Variants in AOAH observed in about 807,000 individuals in gnomAD.
AOAH encodes the protein acyloxyacyl hydrolase (neutrophil).
Under a neutral mutation model 92.2 loss-of-function variants are expected in AOAH, and 64 were observed. The ratio of observed to expected loss-of-function variants is 0.69; its 90% confidence interval spans 0.57 to 0.86. The LOEUF (loss-of-function observed/expected upper bound fraction) is 0.86, where lower values mean the gene tolerates loss of function less well. Ranked by LOEUF, AOAH falls within the 40% of genes least tolerant of loss-of-function variation. The pLI, the probability that AOAH is intolerant of heterozygous loss-of-function variation, is 0.00. For missense variants in AOAH, 656 were observed against 694.6 expected, an observed-to-expected ratio of 0.94 and a Z score of 0.62; for synonymous variants, 263 against 254.5, an observed-to-expected ratio of 1.03 and a Z score of -0.32.
chr7:36,723,974 CCCA>C, intron 1 of AOAH, 45 bp downstream of exon 1: 1 of 1,583,448 alleles, frequency 6.3e-7, no homozygotes, highest in East Asian at 2.3e-5. Context: ...AGTACTGGAT[CCCA>C]TTGTTATGTC....
At chr7:36,714,817 G>T (rs1799019126) in intron 1 of AOAH, among the ~76,000 whole-genome samples, 2 of 152,156 alleles carry the variant, frequency 1.3e-5, no homozygotes, top group Admixed American at 1.3e-4. Flanking sequence ...AGGTATTGAT[G>T]GGACGTATCT....
chr7:36,642,341 A>T (rs1793970101), intron 4 of AOAH, among the ~76,000 whole-genome samples: 2 of 152,154 alleles, frequency 1.3e-5, no homozygotes, highest in South Asian at 4.1e-4. Context: ...CATAGAGGGA[A>T]GATGATGTGA....
chr7:36,681,831 C>A (rs1204828399), intron 2 of AOAH, among the ~76,000 whole-genome samples: 3 of 151,982 alleles, frequency 2.0e-5, no homozygotes, highest in Non-Finnish European at 4.4e-5. Context: ...AATAAGAGTA[C>A]CTGAATAGCA....
intron 6 of AOAH, among the ~76,000 whole-genome samples, chr7:36,626,251 A>G (rs2116150789): frequency 6.6e-6 from 1 of 152,340 alleles, no homozygotes; most frequent in East Asian, 1.9e-4. Context: ...GAGAAAGAAA[A>G]AGGAGCTGCA....
chr7:36,546,041 T>C (rs1404251109), intron 15 of AOAH, among the ~76,000 whole-genome samples: 5 of 152,232 alleles, frequency 3.3e-5, no homozygotes, highest in Non-Finnish European at 7.4e-5. Context: ...TAAATCAAAT[T>C]GAGCAGGGTT....
chr7:36,577,852 A>G (rs547021819), intron 12 of AOAH, among the ~76,000 whole-genome samples: 3 of 152,330 alleles, frequency 2.0e-5, no homozygotes, highest in African/African-American at 7.2e-5. Flanking sequence ...TCTTTTCATT[A>G]TAATAAGTTC....
chr7:36,638,294 T>A (rs970080728), intron 4 of AOAH, among the ~76,000 whole-genome samples: 3 of 152,228 alleles, frequency 2.0e-5, no homozygotes, highest in Non-Finnish European at 2.9e-5. Flanking sequence ...AAGCAACTTA[T>A]CCTGGTGTCT....
chr7:36,627,254 T>TCTAA (rs1792734968), intron 6 of AOAH, among the ~76,000 whole-genome samples: 3 of 152,168 alleles, frequency 2.0e-5, no homozygotes. Flanking sequence ...AAAAAACGTT[T>TCTAA]CTAACTCTGT....
At chr7:36,711,154 A>T (rs1798745086) in intron 1 of AOAH, among the ~76,000 whole-genome samples, 3 of 152,142 alleles carry the variant, frequency 2.0e-5, no homozygotes, top group African/African-American at 2.4e-5. Context: ...ATCACTAGTA[A>T]TGTCTTCATT....
intron 13 of AOAH, among the ~76,000 whole-genome samples, chr7:36,561,246 T>G (rs1410607333): frequency 1.3e-5 from 2 of 152,064 alleles, no homozygotes; most frequent in Non-Finnish European, 2.9e-5. Flanking sequence ...TTCATCATGT[T>G]TCCCAGGCTG....
rs139174843 is a variant in AOAH, at chr7:36,572,795, C to T, written c.1021+3779G>A. On this transcript the variant is annotated intron_variant, in intron 13 of 20. Transcript: ENST00000617537. ...TGATGAATTCCAAAATGTCACATGG[C>T]ATAATTTAAATAACTGGCTTTAATG... Among the ~76,000 whole-genome samples, 129 of 152,270 alleles carry T rather than the reference C, an allele frequency of 8.5e-4. 2 individuals carry two copies. In the East Asian group the frequency reaches 0.025, roughly 29 times the overall value.
intron 15 of AOAH, among the ~76,000 whole-genome samples, chr7:36,542,903 T>TA (rs565284546): frequency 7.3e-5 from 11 of 151,202 alleles, no homozygotes; most frequent in South Asian, 2.1e-4. Context: ...TTCACCTGAA[T>TA]AAAAAAAAAG....
intron 20 of AOAH, among the ~76,000 whole-genome samples, chr7:36,519,560 A>G (rs1019461376): frequency 6.6e-6 from 1 of 152,176 alleles, no homozygotes; most frequent in Admixed American, 6.5e-5. Context: ...CCTCCCAAGT[A>G]GCTGGGATTA....
chr7:36,722,339 C>T (rs150633242), intron 1 of AOAH, among the ~76,000 whole-genome samples: 236 of 152,298 alleles, frequency 1.5e-3, no homozygotes, highest in African/African-American at 5.2e-3. Flanking sequence ...ATGTGTACCT[C>T]CTGTCCATTT....
intron 2 of AOAH, among the ~76,000 whole-genome samples, chr7:36,680,017 G>A (rs1439215874): frequency 1.3e-5 from 2 of 152,156 alleles, no homozygotes; most frequent in Non-Finnish European, 2.9e-5. Context: ...AACCTCCAGA[G>A]TAGGCATGAA....
intron 4 of AOAH, among the ~76,000 whole-genome samples, chr7:36,643,718 C>G (rs1275237887): frequency 6.6e-6 from 1 of 152,118 alleles, no homozygotes; most frequent in African/African-American, 2.4e-5. Flanking sequence ...GAGGACTGGC[C>G]TGGTGGGAGG....
intron 1 of AOAH, among the ~76,000 whole-genome samples, chr7:36,713,607 A>C (rs1178796985): frequency 6.6e-6 from 1 of 152,242 alleles, no homozygotes; most frequent in Non-Finnish European, 1.5e-5. Flanking sequence ...ATGGAAAAGA[A>C]CAGAAATTAT....
intron 11 of AOAH, among the ~76,000 whole-genome samples, chr7:36,604,926 G>C (rs1435055626): frequency 2.6e-5 from 4 of 152,128 alleles, no homozygotes; most frequent in African/African-American, 9.7e-5. Context: ...TTTCTGCTCC[G>C]CTTTCCTTTG....
rs190404614 is a variant in AOAH, at chr7:36,670,425, A to G, written c.290+3518T>C. On this transcript the variant is annotated intron_variant, in intron 3 of 20. Coordinates refer to ENST00000617537, the MANE Select transcript of AOAH (RefSeq NM_001637.4). ...ACGAAGGTGGGATCAGACATCTGTTATTTATTCATTTATTACATCTGTGGT... is the reference window on the plus strand; with the variant it reads ...ACGAAGGTGGGATCAGACATCTGTTGTTTATTCATTTATTACATCTGTGGT... 1.6e-4 allele frequency among the ~76,000 whole-genome samples: 24 copies of G among 152,316 alleles called. No homozygotes were observed. In the East Asian group the frequency reaches 4.4e-3, roughly 28 times the overall value.
Sources: allele counts gnomAD v4.1 joint callset (sites outside exome capture counted in the v4.1 genomes callset), GRCh38; gene constraint gnomAD v4.1.1; transcripts MANE v1.5; gene names NCBI Gene and HGNC (gene_info 2026-07-23, HGNC 2026-07-21).